The following ST8SIA6 variants were observed in gnomAD, a reference collection of about 807,000 sequenced individuals.
ST8SIA6 encodes the protein ST8 alpha-N-acetyl-neuraminide alpha-2,8-sialyltransferase 6.
In ST8SIA6, 39 loss-of-function variants were observed where a neutral mutation model predicts 33.6. The observed-to-expected ratio is 1.16, with a 90% CI of 0.90 to 1.52. The LOEUF (loss-of-function observed/expected upper bound fraction) is 1.52, where lower values mean the gene tolerates loss of function less well. Ranked by LOEUF, ST8SIA6 falls within the 40% of genes most tolerant of loss-of-function variation. The probability of loss-of-function intolerance (pLI) is 0.00; values close to 1 mark genes in which losing one functional copy is unlikely to be tolerated. For synonymous variants in ST8SIA6, 172 were observed against 167.2 expected (o/e 1.03, Z -0.22); for missense variants, 441 against 443.8 (o/e 0.99, Z 0.06).
chr10:17,367,345 C>T (rs1849587526), intron 3 of ST8SIA6, among the ~76,000 whole-genome samples: 1 of 152,108 alleles, frequency 6.6e-6, no homozygotes, highest in African/African-American at 2.4e-5. Flanking sequence ...CTTTATAAAA[C>T]CATCAGATCT....
chr10:17,451,843 T>C (rs1414399254), intron 2 of ST8SIA6, among the ~76,000 whole-genome samples: 4 of 152,136 alleles, frequency 2.6e-5, no homozygotes, highest in Admixed American at 1.3e-4. Flanking sequence ...TAAAGAGGCT[T>C]TTACAAACAC....
Position 17,330,975 on chromosome 10 carries a change from G to A in ST8SIA6, c.522+433C>T, listed in dbSNP as rs147700923. 3.0e-4 allele frequency among the ~76,000 whole-genome samples: 46 copies of A among 152,240 alleles called. 1 individual carries two copies. The highest frequency in any genetic ancestry group is 5.3e-4 in the Non-Finnish European group (36 of 68,012). On this transcript the variant is annotated intron_variant, in intron 5 of 7. Transcript: ENST00000377602. ...ACAATCTCTATCTTATGGTGGGTACGTTTATTGACTATAAATTCTTACATA... is the reference window on the plus strand; with the variant it reads ...ACAATCTCTATCTTATGGTGGGTACATTTATTGACTATAAATTCTTACATA...
chr10:17,321,753 G>A (rs571315202), intron 7 of ST8SIA6, among the ~76,000 whole-genome samples: 18 of 151,962 alleles, frequency 1.2e-4, no homozygotes, highest in African/African-American at 2.9e-4. Flanking sequence ...ATTGAGCTGC[G>A]CACTTATGAT....
intron 6 of ST8SIA6, 75 bp downstream of exon 6, chr10:17,326,938 GA>G: frequency 9.9e-7 from 1 of 1,007,390 alleles, no homozygotes; most frequent in Non-Finnish European, 1.4e-6. Flanking sequence ...ATATACAATG[GA>G]TATCTTTACA....
intron 7 of ST8SIA6, among the ~76,000 whole-genome samples, chr10:17,322,801 T>A (rs553928890): frequency 6.6e-6 from 1 of 152,314 alleles, no homozygotes; most frequent in South Asian, 2.1e-4. Flanking sequence ...AGTGGCTTCA[T>A]TATTGTTAAA....
intron 2 of ST8SIA6, among the ~76,000 whole-genome samples, chr10:17,447,071 T>C (rs1852736895): frequency 6.8e-6 from 1 of 147,360 alleles, no homozygotes; most frequent in Middle Eastern, 3.2e-3. Flanking sequence ...AAAGCTGTGA[T>C]CAAATAACAG....
rs371422004 is a variant in ST8SIA6 at position 17,448,628 on chromosome 10, G to GTTGTTGTTGT, written c.200+4930_200+4931insACAACAACAA. Among the ~76,000 whole-genome samples, 902 of 151,504 alleles carry GTTGTTGTTGT rather than the reference G, an allele frequency of 6.0e-3. 5 individuals are homozygous for GTTGTTGTTGT. The highest frequency in any genetic ancestry group is 0.018 in the African/African-American group (747 of 41,166). On this transcript the variant is annotated intron_variant, in intron 2 of 7. Transcript: ENST00000377602. ...TGTTGTTCTTGTTGTTGTTGTTGTT[G>GTTGTTGTTGT]TTTTTGAGACAGAGTCTCGCTCTGT...
intron 2 of ST8SIA6, among the ~76,000 whole-genome samples, chr10:17,411,910 CT>C (rs1466974269): frequency 7.0e-6 from 1 of 142,038 alleles, no homozygotes; most frequent in Non-Finnish European, 1.5e-5. Flanking sequence ...TCAGAAAATG[CT>C]TTTAAGGAAT....
intron 5 of ST8SIA6, among the ~76,000 whole-genome samples, chr10:17,330,192 A>G (rs548688938): frequency 6.6e-6 from 1 of 152,316 alleles, no homozygotes; most frequent in Non-Finnish European, 1.5e-5. Context: ...TCCCAGTTAC[A>G]TACATAATTA....
At chr10:17,443,075 G>T (rs1411209213) in intron 2 of ST8SIA6, among the ~76,000 whole-genome samples, 1 of 152,202 alleles carries the variant, frequency 6.6e-6, no homozygotes, top group East Asian at 1.9e-4. Context: ...AACATGGTGT[G>T]TTGGATGGAC....
At chr10:17,400,463 C>T (rs531979166) in intron 2 of ST8SIA6, among the ~76,000 whole-genome samples, 7 of 152,228 alleles carry the variant, frequency 4.6e-5, no homozygotes, top group East Asian at 1.9e-4. Flanking sequence ...ACCTAGGAGG[C>T]GGAGTTTGCA....
chr10:17,409,067 G>A (rs924923173), intron 2 of ST8SIA6, among the ~76,000 whole-genome samples: 9 of 152,050 alleles, frequency 5.9e-5, no homozygotes, highest in African/African-American at 2.2e-4. Flanking sequence ...ACAGGCGTGA[G>A]CCACAGCATC....
chr10:17,339,043 C>T (rs45628738), intron 4 of ST8SIA6, among the ~76,000 whole-genome samples: 6,139 of 152,206 alleles, frequency 0.04, 305 homozygotes, highest in African/African-American at 0.11. Flanking sequence ...CCTTTGCATC[C>T]AGATGTCAAA....
Position 17,453,620 on chromosome 10 carries a change from T to G in ST8SIA6, c.139A>C (p.Thr47Pro). Residue 47 changes from threonine (T) to proline (P), a missense_variant, in exon 2 of 8, where the codon ACC becomes CCC. By Grantham distance (38) the Thr-to-Pro change is conservative (BLOSUM62 -1). Coordinates refer to ENST00000377602, the MANE Select transcript of ST8SIA6 (RefSeq NM_001004470.3). ...CGGAGCGTCCTCAGCGCTGCGGGGG[T>G]GCCGTGGGTGGCCTCCCTGCTTTCC... ...VEESREATHG[T>P]PAALRTLRSP... 7.5e-7 allele frequency: 1 copy of G among 1,325,970 alleles called. No homozygotes were observed. Among genetic ancestry groups the G allele is most frequent in the Non-Finnish European group, 9.7e-7 (1 of 1,030,472 alleles). 82.1% of individuals were successfully genotyped at this position (1,325,970 alleles called of 1,614,324 possible).
In ST8SIA6 at chr10:17,378,249, C is replaced by T. The variant is rs1309473172; in HGVS notation, c.290+12282G>A. On this transcript the variant is annotated intron_variant, in intron 3 of 7. Coordinates refer to ENST00000377602, the MANE Select transcript of ST8SIA6 (RefSeq NM_001004470.3). ...GCACATCAAAGAGTTGTCAAATTCTCTGCCTTGAAAAAGATGTCTTCCATG... is the reference window on the plus strand; with the variant it reads ...GCACATCAAAGAGTTGTCAAATTCTTTGCCTTGAAAAAGATGTCTTCCATG... Among the ~76,000 whole-genome samples the T allele has an allele frequency of 2.0e-5, 3 of 152,186 alleles. No individual in the cohort carries two copies. In the East Asian group the frequency reaches 5.8e-4, roughly 29 times the overall value.
intron 3 of ST8SIA6, among the ~76,000 whole-genome samples, chr10:17,379,813 G>A (rs1234532385): frequency 3.3e-5 from 5 of 152,190 alleles, no homozygotes; most frequent in Non-Finnish European, 5.9e-5. Flanking sequence ...AGTAACAGGT[G>A]TGTCCTCAAC....
At chr10:17,438,019 A>G (rs1852344948) in intron 2 of ST8SIA6, among the ~76,000 whole-genome samples, 1 of 151,976 alleles carries the variant, frequency 6.6e-6, no homozygotes, top group Admixed American at 6.6e-5. Context: ...GTGAGCCACC[A>G]TGCCTGGCCA....
At chr10:17,338,798 T>G (rs1848586106) in intron 4 of ST8SIA6, among the ~76,000 whole-genome samples, 1 of 152,206 alleles carries the variant, frequency 6.6e-6, no homozygotes, top group African/African-American at 2.4e-5. Context: ...GCGTTCTACC[T>G]TCAGCAATTT....
chr10:17,346,277 C>T (rs1416277550), intron 4 of ST8SIA6, among the ~76,000 whole-genome samples: 3 of 152,204 alleles, frequency 2.0e-5, no homozygotes, highest in Non-Finnish European at 4.4e-5. Context: ...TCTCAGATGA[C>T]TCCAGTGGAC....
Sources: gnomAD v4.1 joint callset for allele counts (sites outside exome capture counted in the v4.1 genomes callset) on GRCh38, gnomAD v4.1.1 for gene constraint, MANE v1.5 for transcripts, NCBI Gene and HGNC (gene_info 2026-07-23, HGNC 2026-07-21) for gene names.